RNF24: variants seen among roughly 807,000 people sequenced by gnomAD.
RNF24 encodes the protein ring finger protein 24.
Under a neutral mutation model 20.0 loss-of-function variants are expected in RNF24, and 14 were observed. That is an observed-to-expected ratio of 0.70 (90% CI 0.46 to 1.10). The LOEUF is 1.10. Ranked by LOEUF, RNF24 falls within the 50% of genes least tolerant of loss-of-function variation. The pLI is 0.00. For missense variants in RNF24, 124 were observed against 177.6 expected (o/e 0.70, Z 1.71); for synonymous variants, 45 against 61.1 (o/e 0.74, Z 1.23).
chr20:4,011,616 T>C (rs1982467474), intron 1 of RNF24, among the ~76,000 whole-genome samples: 1 of 152,146 alleles, frequency 6.6e-6, no homozygotes, highest in Non-Finnish European at 1.5e-5. Flanking sequence ...GTCATAGAGT[T>C]TGAATGAATT....
chr20:3,986,796 G>T (rs1568653089), intron 1 of RNF24, among the ~76,000 whole-genome samples: 1 of 151,880 alleles, frequency 6.6e-6, no homozygotes, highest in Non-Finnish European at 1.5e-5. Context: ...CTACAGGCAC[G>T]TGCCACCATG....
chr20:3,967,973 CAAAAAAAAAAA>C (rs58984163), intron 1 of RNF24, among the ~76,000 whole-genome samples: 3 of 77,180 alleles, frequency 3.9e-5, no homozygotes, highest in South Asian at 4.8e-4. Context: ...AGCCTGGCAA[CAAAAAAAAAAA>C]AAAAAAAAAA....
intron 2 of RNF24, among the ~76,000 whole-genome samples, chr20:3,949,683 TAAAA>T (rs981682641): frequency 6.6e-6 from 1 of 151,428 alleles, no homozygotes; most frequent in African/African-American, 2.4e-5. Flanking sequence ...GATCCTGTCA[TAAAA>T]AAAAATAAAG....
chr20:3,937,025 G>C (rs1463134513), intron 4 of RNF24, among the ~76,000 whole-genome samples: 1 of 152,104 alleles, frequency 6.6e-6, no homozygotes, highest in African/African-American at 2.4e-5. Flanking sequence ...TTTTAGTAGA[G>C]ACAGGGTTTC....
At chr20:4,005,284 A>G (rs151084941) in intron 1 of RNF24, among the ~76,000 whole-genome samples, 95 of 152,334 alleles carry the variant, frequency 6.2e-4, no homozygotes, top group African/African-American at 2.2e-3. Flanking sequence ...GTTAACCAAT[A>G]TGAAAGATGA....
intron 2 of RNF24, among the ~76,000 whole-genome samples, chr20:3,955,105 G>A (rs2091127704): frequency 6.6e-6 from 1 of 152,126 alleles, no homozygotes; most frequent in Admixed American, 6.5e-5. Context: ...ATTCCTTAAT[G>A]ACCAATAATG....
At chr20:4,007,408 T>C (rs934208408) in intron 1 of RNF24, among the ~76,000 whole-genome samples, 18 of 151,956 alleles carry the variant, frequency 1.2e-4, no homozygotes, top group African/African-American at 7.3e-5. Flanking sequence ...AGCTAGCTAG[T>C]AGATGAAAAG....
At chr20:3,948,976 T>C (rs1445172693) in intron 2 of RNF24, among the ~76,000 whole-genome samples, 1 of 152,262 alleles carries the variant, frequency 6.6e-6, no homozygotes, top group Non-Finnish European at 1.5e-5. Flanking sequence ...AATTACTTCC[T>C]GTTTGAGGCT....
intron 1 of RNF24, among the ~76,000 whole-genome samples, chr20:4,008,853 C>T (rs1477073588): frequency 1.4e-4 from 21 of 151,572 alleles, no homozygotes; most frequent in Admixed American, 1.4e-3. Flanking sequence ...CCCAAGACTG[C>T]CAATATTAAG....
chr20:3,933,961 AG>A lies in RNF24; in HGVS notation c.*101del, dbSNP rs1316656084. On this transcript the variant is annotated 3_prime_UTR_variant, in exon 6 of 6. Coordinates refer to ENST00000358395, the MANE Select transcript of RNF24 (RefSeq NM_001134337.3). Reference sequence around the variant, plus strand: ...TTCTTCATGAGGCAAAAGAAGTGGCAGCTGGTGTCCTAGGTAGAGAGCAGCC... The same window carrying A: ...TTCTTCATGAGGCAAAAGAAGTGGCACTGGTGTCCTAGGTAGAGAGCAGCC... The A allele has an allele frequency of 1.3e-5, 15 of 1,169,496 alleles. No homozygotes were observed. The highest frequency in any genetic ancestry group is 1.6e-5 in the African/African-American group (1 of 63,360). The allele number at this position is 1,169,496 out of a possible 1,614,324, so 72.4% of individuals were successfully genotyped here. A position where few individuals can be genotyped will look rare whatever the true frequency, so the allele number is the denominator to read the frequency against.
rs541413146 is a variant in RNF24, at chr20:3,941,647, C to T, written c.228+3530G>A. Among the ~76,000 whole-genome samples, 6 of 152,198 alleles carry T rather than the reference C, an allele frequency of 3.9e-5. No homozygotes were observed. In the South Asian group the frequency reaches 1.0e-3, roughly 26 times the overall value. Reference sequence around the variant, plus strand: ...GTAAACCTAATTCTAAATGTATCAGCAATTGCACTGAATGTAAATGATCTA... The same window carrying T: ...GTAAACCTAATTCTAAATGTATCAGTAATTGCACTGAATGTAAATGATCTA... On this transcript the variant is annotated intron_variant, in intron 4 of 5. Coordinates refer to ENST00000358395, the MANE Select transcript of RNF24 (RefSeq NM_001134337.3).
At chr20:3,954,755 T>G (rs560550104) in intron 2 of RNF24, among the ~76,000 whole-genome samples, 1 of 151,762 alleles carries the variant, frequency 6.6e-6, no homozygotes, top group Non-Finnish European at 1.5e-5. Context: ...AAAAATTAGC[T>G]GGGTGTGGTG....
intron 4 of RNF24, among the ~76,000 whole-genome samples, chr20:3,942,568 G>C (rs1321532980): frequency 6.6e-6 from 1 of 151,920 alleles, no homozygotes; most frequent in Non-Finnish European, 1.5e-5. Context: ...CGCCTCCCAG[G>C]TTCATGCCAT....
intron 1 of RNF24, among the ~76,000 whole-genome samples, chr20:3,973,500 C>CAA (rs56824542): frequency 1.2e-3 from 126 of 101,062 alleles, no homozygotes; most frequent in East Asian, 3.0e-3. Flanking sequence ...GGAAGAATGA[C>CAA]AAAAAAAAAA....
intron 1 of RNF24, among the ~76,000 whole-genome samples, chr20:3,988,102 A>C (rs748311160): frequency 3.9e-5 from 6 of 152,114 alleles, no homozygotes; most frequent in Non-Finnish European, 7.4e-5. Context: ...GTGAGAGGAC[A>C]GCTTAGGCCC....
chr20:3,945,094 G>A (rs970615785), intron 4 of RNF24, 83 bp downstream of exon 4: 2 of 1,521,218 alleles, frequency 1.3e-6, no homozygotes, highest in East Asian at 2.4e-5. Flanking sequence ...TTCAACTACT[G>A]AGAATAAAAG....
chr20:3,943,699 T>C (rs1355082210), intron 4 of RNF24, among the ~76,000 whole-genome samples: 1 of 152,186 alleles, frequency 6.6e-6, no homozygotes, highest in Admixed American at 6.5e-5. Flanking sequence ...CTAACTATGA[T>C]ACATACTGAT....
chr20:3,927,950 T>G lies in RNF24; in HGVS notation c.*6113A>C, dbSNP rs2090749809. ...GTACATCTTTGCATCTTGTAACAAT[T>G]TGGGCTCTACAGCTGAATTGGCAAA... On this transcript the variant is annotated 3_prime_UTR_variant, in exon 6 of 6. Coordinates refer to ENST00000358395, the MANE Select transcript of RNF24 (RefSeq NM_001134337.3). 1 of 152,162 alleles carries G rather than the reference T, an allele frequency of 6.6e-6. No individual in the cohort carries two copies. Among genetic ancestry groups the G allele is most frequent in the East Asian group, 1.9e-4 (1 of 5,200 alleles). 9.4% of individuals were successfully genotyped at this position (152,162 alleles called of 1,614,324 possible).
intron 2 of RNF24, among the ~76,000 whole-genome samples, chr20:3,956,117 T>C (rs1409834620): frequency 6.6e-6 from 1 of 152,184 alleles, no homozygotes; most frequent in African/African-American, 2.4e-5. Context: ...ATGCCTTCTA[T>C]TTCTTTTTCT....
Sources: gnomAD v4.1 joint callset for allele counts (sites outside exome capture counted in the v4.1 genomes callset) on GRCh38, gnomAD v4.1.1 for gene constraint, MANE v1.5 for transcripts, NCBI Gene and HGNC (gene_info 2026-07-23, HGNC 2026-07-21) for gene names.